The following KSR1 variants were observed in gnomAD, a reference collection of about 807,000 sequenced individuals.
KSR1 encodes kinase suppressor of ras.
A neutral mutation model predicts 92.9 loss-of-function variants in KSR1; 35 were observed. The ratio of observed to expected loss-of-function variants is 0.38; its 90% CI spans 0.29 to 0.50. The LOEUF is 0.50. Ranked by LOEUF, KSR1 falls within the 20% of genes least tolerant of loss-of-function variation. The probability of loss-of-function intolerance (pLI) is 0.94; values close to 1 mark genes in which losing one functional copy is unlikely to be tolerated. For synonymous variants in KSR1, 467 were observed against 472.6 expected (o/e 0.99, Z 0.15); for missense variants, 972 against 1,158.5 (o/e 0.84, Z 2.34).
In KSR1 at chr17:27,614,110, TA is replaced by T. The variant is rs374688397; in HGVS notation, c.2493+2488del. Among the ~76,000 whole-genome samples, 53 of 152,236 alleles carry T rather than the reference TA, an allele frequency of 3.5e-4. 1 individual carries two copies. Among genetic ancestry groups the T allele is most frequent in the African/African-American group, 1.2e-3 (50 of 41,454 alleles). On this transcript the variant is annotated intron_variant, in intron 18 of 20. Transcript: ENST00000644974. Reference sequence around the variant, plus strand: ...AGCCCCCATGCCTGGCATAGTCTTTTAAAAAAATATTTAAGACATACATATC... The same window carrying T: ...AGCCCCCATGCCTGGCATAGTCTTTTAAAAAATATTTAAGACATACATATC...
chr17:27,532,800 G>A (rs753577279), intron 1 of KSR1, among the ~76,000 whole-genome samples: 4 of 152,180 alleles, frequency 2.6e-5, no homozygotes, highest in Non-Finnish European at 5.9e-5. Flanking sequence ...ACCAGTATTC[G>A]TGTGCTCTGG....
chr17:27,571,572 G>A (rs767301168), intron 2 of KSR1, among the ~76,000 whole-genome samples: 23 of 152,326 alleles, frequency 1.5e-4, no homozygotes, highest in Middle Eastern at 3.4e-3. Flanking sequence ...GGCCTCTCTG[G>A]TCTGACCAGT....
intron 1 of KSR1, among the ~76,000 whole-genome samples, chr17:27,497,549 C>T (rs531203059): frequency 1.3e-5 from 2 of 152,132 alleles, no homozygotes; most frequent in South Asian, 4.1e-4. Context: ...GGAAACAGGC[C>T]GCAGGATCCC....
intron 1 of KSR1, among the ~76,000 whole-genome samples, chr17:27,541,578 C>G (rs1431308295): frequency 2.6e-5 from 4 of 152,174 alleles, no homozygotes; most frequent in Admixed American, 2.6e-4. Flanking sequence ...GGCTTTGGAT[C>G]GCAAAAGAGG....
At chr17:27,480,410 A>G (rs2068477932) in intron 1 of KSR1, among the ~76,000 whole-genome samples, 1 of 151,578 alleles carries the variant, frequency 6.6e-6, no homozygotes, top group Non-Finnish European at 1.5e-5. Context: ...CTTTTTTTAA[A>G]TTTTTAAGAC....
rs906413888 is a variant in KSR1 at position 27,588,128 on chromosome 17, G to A, written c.986-347G>A. On this transcript the variant is annotated intron_variant, in intron 5 of 20. Transcript: ENST00000644974. Reference sequence around the variant, plus strand: ...GGGGCCTGTGGTGTGTCGGTGAGAGGTTGCAAGAGGTTGGGCTGTGTAGAA... The same window carrying A: ...GGGGCCTGTGGTGTGTCGGTGAGAGATTGCAAGAGGTTGGGCTGTGTAGAA... The A allele has an allele frequency of 2.2e-4, 37 of 169,442 alleles. 1 individual carries two copies. Among genetic ancestry groups the A allele is most frequent in the Middle Eastern group, 5.1e-3 (2 of 392 alleles). The allele number at this position is 169,442 out of a possible 1,614,324, so 10.5% of individuals were successfully genotyped here. A position where few individuals can be genotyped will look rare whatever the true frequency, so the allele number is the denominator to read the frequency against.
chr17:27,469,539 C>G lies in KSR1; in HGVS notation c.231+12665C>G, dbSNP rs73983438. ...ATTCTGACTCCATTCCTTGCCAGCTCTGTGACCTTGGGCAAGTTCTTTAGC... is the reference window on the plus strand; with the variant it reads ...ATTCTGACTCCATTCCTTGCCAGCTGTGTGACCTTGGGCAAGTTCTTTAGC... On this transcript the variant is annotated intron_variant, in intron 1 of 20. Coordinates refer to ENST00000644974, the MANE Select transcript of KSR1 (RefSeq NM_001394583.1). Among the ~76,000 whole-genome samples, 869 of 152,250 alleles carry G rather than the reference C, an allele frequency of 5.7e-3. 9 individuals are homozygous for G. The highest frequency in any genetic ancestry group is 0.019 in the African/African-American group (791 of 41,536).
chr17:27,616,094 T>C (rs532123935), intron 18 of KSR1, among the ~76,000 whole-genome samples: 1 of 152,330 alleles, frequency 6.6e-6, no homozygotes, highest in South Asian at 2.1e-4. Flanking sequence ...AGTTTTTTTG[T>C]GTGTTTGTTT....
intron 5 of KSR1, 87 bp downstream of exon 5, chr17:27,585,748 A>G: frequency 1.4e-6 from 1 of 721,312 alleles, no homozygotes; most frequent in Non-Finnish European, 2.6e-6. Context: ...TCTTTGACCC[A>G]CCTCTTAGCC....
intron 4 of KSR1, 77 bp downstream of exon 4, chr17:27,583,182 TA>T (rs2072841190): frequency 9.8e-7 from 1 of 1,016,030 alleles, no homozygotes; most frequent in East Asian, 2.6e-5. Context: ...GAAGGACCAA[TA>T]AAATCAACCC....
intron 1 of KSR1, among the ~76,000 whole-genome samples, chr17:27,515,012 T>C (rs891582140): frequency 1.6e-4 from 24 of 152,130 alleles, no homozygotes; most frequent in African/African-American, 5.3e-4. Context: ...GGCTGGGAGC[T>C]AAGCACATTG....
intron 1 of KSR1, among the ~76,000 whole-genome samples, chr17:27,518,096 A>T (rs1393521609): frequency 1.3e-5 from 2 of 152,160 alleles, no homozygotes; most frequent in African/African-American, 2.4e-5. Context: ...TAAAAAACCA[A>T]TTCATGCAGT....
chr17:27,521,682 C>T (rs2070040582), intron 1 of KSR1, among the ~76,000 whole-genome samples: 1 of 152,170 alleles, frequency 6.6e-6, no homozygotes, highest in South Asian at 2.1e-4. Flanking sequence ...GATCCACCTG[C>T]CTTAGGCTCT....
At chr17:27,574,089 T>C (rs1598056833) in intron 2 of KSR1, among the ~76,000 whole-genome samples, 1 of 152,180 alleles carries the variant, frequency 6.6e-6, no homozygotes, top group South Asian at 2.1e-4. Flanking sequence ...CCTTGGAGTA[T>C]GTGGTGGAGA....
At chr17:27,461,574 T>C (rs2019437600) in intron 1 of KSR1, among the ~76,000 whole-genome samples, 1 of 152,264 alleles carries the variant, frequency 6.6e-6, no homozygotes, top group Admixed American at 6.5e-5. Context: ...GATACAGAGC[T>C]GGGGCTCTGG....
At chr17:27,588,376 G>T (rs895242097) in intron 5 of KSR1, 99 bp from the exon 6 acceptor site, 7 of 981,454 alleles carry the variant, frequency 7.1e-6, no homozygotes, top group African/African-American at 6.5e-5. Context: ...AAACCATTGC[G>T]CCCCCCTCTA....
At chr17:27,619,113 T>C (rs990268253) in intron 19 of KSR1, among the ~76,000 whole-genome samples, 3 of 152,164 alleles carry the variant, frequency 2.0e-5, no homozygotes, top group Admixed American at 6.5e-5. Context: ...AGAGCCTTTC[T>C]GCCACCCGCT....
intron 1 of KSR1, among the ~76,000 whole-genome samples, chr17:27,477,184 G>T (rs146711448): frequency 6.6e-5 from 10 of 152,286 alleles, no homozygotes; most frequent in African/African-American, 2.4e-4. Flanking sequence ...GTGGGTTTTA[G>T]CTGGCTTCTT....
intron 5 of KSR1, among the ~76,000 whole-genome samples, chr17:27,587,848 G>C (rs918994417): frequency 3.3e-5 from 5 of 152,358 alleles, no homozygotes; most frequent in Admixed American, 1.3e-4. Context: ...AGCAGAGAAG[G>C]AGGGTGCCCA....
Sources: gnomAD v4.1 joint callset for allele counts (sites outside exome capture counted in the v4.1 genomes callset) on GRCh38, gnomAD v4.1.1 for gene constraint, MANE v1.5 for transcripts, NCBI Gene and HGNC (gene_info 2026-07-23, HGNC 2026-07-21) for gene names.